The following PACRG variants were observed in gnomAD, a reference collection of about 807,000 sequenced individuals.
The protein encoded by PACRG is parkin coregulated gene protein.
Under a neutral mutation model 29.7 loss-of-function variants are expected in PACRG, and 29 were observed. That is an observed-to-expected ratio of 0.98 (90% confidence interval 0.73 to 1.33). The LOEUF (loss-of-function observed/expected upper bound fraction) is 1.33, where lower values mean the gene tolerates loss of function less well. Ranked by LOEUF, PACRG falls within the 40% of genes most tolerant of loss-of-function variation. The probability of loss-of-function intolerance (pLI) is 0.00; values close to 1 mark genes in which losing one functional copy is unlikely to be tolerated. For synonymous variants in PACRG, 116 were observed against 118.7 expected, an observed-to-expected ratio of 0.98 and a Z score of 0.15; for missense variants, 279 against 316.2, an observed-to-expected ratio of 0.88 and a Z score of 0.89.
chr6:163,299,956 G>A (rs1357607118), intron 4 of PACRG, among the ~76,000 whole-genome samples: 3 of 152,200 alleles, frequency 2.0e-5, no homozygotes, highest in African/African-American at 7.2e-5. Flanking sequence ...TAAGTCCAGG[G>A]TCTTGCTGAT....
intron 2 of PACRG, among the ~76,000 whole-genome samples, chr6:162,988,023 C>T (rs115214735): frequency 6.6e-6 from 1 of 152,158 alleles, no homozygotes; most frequent in African/African-American, 2.4e-5. Context: ...AAGAGAACAC[C>T]AGTTTTGCAC....
intron 4 of PACRG, among the ~76,000 whole-genome samples, chr6:163,174,414 T>G (rs1034122491): frequency 2.0e-5 from 3 of 152,198 alleles, no homozygotes; most frequent in African/African-American, 4.8e-5. Flanking sequence ...GACCCAAAAC[T>G]TCAGGTTCCC....
chr6:163,290,278 GCACACACACA>G (rs3064946), intron 4 of PACRG, among the ~76,000 whole-genome samples: 4,524 of 114,524 alleles, frequency 0.04, 225 homozygotes, highest in African/African-American at 0.12. Context: ...GCGCGCGCGC[GCACACACACA>G]CACACACACA....
chr6:163,147,071 A>C (rs1585265623), intron 4 of PACRG, among the ~76,000 whole-genome samples: 1 of 152,192 alleles, frequency 6.6e-6, no homozygotes, highest in African/African-American at 2.4e-5. Flanking sequence ...GAAGTTTATC[A>C]GCCTCAACTC....
At chr6:162,964,247 AC>A (rs1393219673) in intron 2 of PACRG, among the ~76,000 whole-genome samples, 3 of 152,116 alleles carry the variant, frequency 2.0e-5, no homozygotes, top group Non-Finnish European at 4.4e-5. Context: ...ATTAAAACTT[AC>A]TCTTCTTGTC....
chr6:162,820,011 G>A (rs918187765), intron 2 of PACRG, among the ~76,000 whole-genome samples: 5 of 152,120 alleles, frequency 3.3e-5, no homozygotes, highest in African/African-American at 4.8e-5. Context: ...ACGGTCTTGA[G>A]GGGGTTGAAC....
chr6:163,204,146 C>G (rs1238580264), intron 4 of PACRG, among the ~76,000 whole-genome samples: 1 of 152,212 alleles, frequency 6.6e-6, no homozygotes. Context: ...AAATCTTTGT[C>G]ATTTCATTTA....
intron 4 of PACRG, among the ~76,000 whole-genome samples, chr6:163,185,603 C>G (rs1392995023): frequency 6.6e-6 from 1 of 152,146 alleles, no homozygotes; most frequent in East Asian, 1.9e-4. Flanking sequence ...GGCCCTGCTG[C>G]AGATTAGTTC....
At chr6:163,103,242 T>C (rs1022598116) in intron 4 of PACRG, among the ~76,000 whole-genome samples, 3 of 152,214 alleles carry the variant, frequency 2.0e-5, no homozygotes, top group Admixed American at 6.5e-5. Flanking sequence ...CAGGTGTTGA[T>C]AGAAATCAGT....
chr6:162,739,861 A>G (rs1780441707), intron 1 of PACRG, among the ~76,000 whole-genome samples: 1 of 151,832 alleles, frequency 6.6e-6, no homozygotes, highest in Non-Finnish European at 1.5e-5. Context: ...AAAAAAAAAA[A>G]AAATTGCCTA....
chr6:162,778,899 G>A (rs187464952), intron 1 of PACRG, among the ~76,000 whole-genome samples: 1 of 152,282 alleles, frequency 6.6e-6, no homozygotes, highest in Admixed American at 6.5e-5. Context: ...TAAGTTCTGG[G>A]GTACATGCGC....
chr6:162,795,421 A>AATC (rs1785293686), intron 1 of PACRG, among the ~76,000 whole-genome samples: 1 of 152,154 alleles, frequency 6.6e-6, no homozygotes, highest in Non-Finnish European at 1.5e-5. Context: ...CCAGTTAATG[A>AATC]ATCGTCCATG....
chr6:162,739,393 A>G (rs1055930888), intron 1 of PACRG, among the ~76,000 whole-genome samples: 6 of 152,052 alleles, frequency 3.9e-5, no homozygotes, highest in African/African-American at 1.4e-4. Context: ...CATACTCTAG[A>G]TATGGATATG....
intron 1 of PACRG, among the ~76,000 whole-genome samples, chr6:162,765,273 A>G (rs967862190): frequency 6.6e-6 from 1 of 152,144 alleles, no homozygotes; most frequent in Non-Finnish European, 1.5e-5. Context: ...TGTAGAATAA[A>G]TGTCCAGCAC....
At chr6:162,733,458 C>T (rs567572572) in intron 1 of PACRG, among the ~76,000 whole-genome samples, 6 of 152,124 alleles carry the variant, frequency 3.9e-5, no homozygotes, top group Non-Finnish European at 8.8e-5. Context: ...CTCCTACTTT[C>T]TTATTATAAT....
intron 2 of PACRG, among the ~76,000 whole-genome samples, chr6:162,832,221 C>T (rs2128395247): frequency 6.6e-6 from 1 of 152,264 alleles, no homozygotes; most frequent in South Asian, 2.1e-4. Flanking sequence ...GAGATGATAT[C>T]TCATTGTGGT....
At chr6:162,756,308 G>T (rs961663251) in intron 1 of PACRG, among the ~76,000 whole-genome samples, 1 of 152,078 alleles carries the variant, frequency 6.6e-6, no homozygotes, top group African/African-American at 2.4e-5. Context: ...ATTGCTTTCT[G>T]TATATAGGTG....
chr6:162,928,206 T>C (rs189526944), intron 2 of PACRG, among the ~76,000 whole-genome samples: 22 of 152,196 alleles, frequency 1.4e-4, no homozygotes, highest in Non-Finnish European at 2.8e-4. Flanking sequence ...ATCATTGGTC[T>C]GTTAAGGTTT....
intron 2 of PACRG, among the ~76,000 whole-genome samples, chr6:162,880,194 T>G (rs558546404): frequency 2.2e-4 from 33 of 152,350 alleles, no homozygotes; most frequent in African/African-American, 7.7e-4. Flanking sequence ...TGTCCCTGTA[T>G]AAAATGTAGC....
Sources: allele counts gnomAD v4.1 joint callset (sites outside exome capture counted in the v4.1 genomes callset), GRCh38; gene constraint gnomAD v4.1.1; transcripts MANE v1.5; gene names NCBI Gene and HGNC (gene_info 2026-07-23, HGNC 2026-07-21).